The following SLC26A5 variants were observed in gnomAD, a reference collection of about 807,000 sequenced individuals.
SLC26A5 encodes prestin.
SLC26A5 carries 51 observed loss-of-function variants against 81.0 expected under a neutral mutation model. That is an observed-to-expected ratio of 0.63 (90% CI 0.50 to 0.80). SLC26A5 has a LOEUF of 0.80. SLC26A5 is among the 30% of genes least tolerant of loss of function. SLC26A5 has a pLI of 0.00. For missense variants in SLC26A5, 771 were observed against 905.8 expected (o/e 0.85, Z 1.91); for synonymous variants, 325 against 332.8 (o/e 0.98, Z 0.25).
chr7:103,438,579 C>T (rs1270366759), intron 2 of SLC26A5, among the ~76,000 whole-genome samples: 1 of 152,054 alleles, frequency 6.6e-6, no homozygotes, highest in East Asian at 1.9e-4. Context: ...TCTTGAACTC[C>T]TGACTTCAAG....
chr7:103,403,877 T>G (rs1823810575), intron 8 of SLC26A5, among the ~76,000 whole-genome samples: 1 of 152,080 alleles, frequency 6.6e-6, no homozygotes, highest in Non-Finnish European at 1.5e-5. Flanking sequence ...CCTCTTACAT[T>G]TAAGGTTAAT....
At chr7:103,441,930 C>T (rs1435298183) in intron 2 of SLC26A5, among the ~76,000 whole-genome samples, 1 of 152,208 alleles carries the variant, frequency 6.6e-6, no homozygotes, top group African/African-American at 2.4e-5. Flanking sequence ...AGAGGAGGCG[C>T]AATGCTGGGC....
At chr7:103,399,300 T>A (rs1823391493) in intron 8 of SLC26A5, among the ~76,000 whole-genome samples, 1 of 152,110 alleles carries the variant, frequency 6.6e-6, no homozygotes, top group African/African-American at 2.4e-5. Context: ...CTGACTTCTT[T>A]CCCACGCAAA....
At chr7:103,374,753 G>GT (rs1019904303) in intron 19 of SLC26A5, among the ~76,000 whole-genome samples, 161 bp from the exon 20 acceptor site, 1 of 148,898 alleles carries the variant, frequency 6.7e-6, no homozygotes, top group African/African-American at 2.5e-5. Flanking sequence ...AGGCTGGAGA[G>GT]TAGTGGTGTG....
intron 12 of SLC26A5, among the ~76,000 whole-genome samples, 184 bp downstream of exon 12, chr7:103,390,245 G>C (rs1822536830): frequency 6.6e-6 from 1 of 152,172 alleles, no homozygotes; most frequent in South Asian, 2.1e-4. Context: ...GCTTTCCCCA[G>C]GTCCTGCAGG....
At chr7:103,369,468 T>C (rs1820901419), downstream of SLC26A5, 1 of 152,232 alleles carries the variant, frequency 6.6e-6, no homozygotes, top group African/African-American at 2.4e-5. Flanking sequence ...AATTAGATAA[T>C]GTTGAGCACA....
At chr7:103,358,269 TAG>T (rs1466285330) in intron 19 of SLC26A5, among the ~76,000 whole-genome samples, 1 of 152,224 alleles carries the variant, frequency 6.6e-6, no homozygotes, top group Non-Finnish European at 1.5e-5. Flanking sequence ...CTGAAAATTG[TAG>T]AGTCTTCTCT....
At chr7:103,387,898 G>T (rs1015624242) in intron 14 of SLC26A5, among the ~76,000 whole-genome samples, 1 of 152,064 alleles carries the variant, frequency 6.6e-6, no homozygotes, top group African/African-American at 2.4e-5. Context: ...TGGCCAGGCT[G>T]CTCTTGAACT....
chr7:103,423,646 G>A (rs1053890644), intron 2 of SLC26A5, among the ~76,000 whole-genome samples: 1 of 152,160 alleles, frequency 6.6e-6, no homozygotes, highest in African/African-American at 2.4e-5. Context: ...AGGATACAGT[G>A]TTCCTCCTCT....
In SLC26A5 at chr7:103,420,666, T is replaced by A. The variant is rs1246105687; in HGVS notation, c.292+72A>T. The A allele has an allele frequency of 2.5e-6, 4 of 1,572,376 alleles. No individual in the cohort carries two copies. The Admixed American group carries it at 6.8e-5, about 27-fold the overall frequency. ...GATAAAAATTATGAATTTGCAATCATGATGAAATAAACAGAAGGTCAAGCA... is the reference window on the plus strand; with the variant it reads ...GATAAAAATTATGAATTTGCAATCAAGATGAAATAAACAGAAGGTCAAGCA... On this transcript the variant is annotated intron_variant, in intron 4 of 19. Coordinates refer to ENST00000306312, the MANE Select transcript of SLC26A5 (RefSeq NM_198999.3).
chr7:103,398,255 T>C (rs1371108744), intron 8 of SLC26A5, among the ~76,000 whole-genome samples: 1 of 152,248 alleles, frequency 6.6e-6, no homozygotes, highest in Non-Finnish European at 1.5e-5. Context: ...TGTCCTTTTC[T>C]ATACTAAGGC....
At chr7:103,353,793 A>G (rs1363014978) in intron 19 of SLC26A5, 2 of 773,442 alleles carry the variant, frequency 2.6e-6, no homozygotes, top group Non-Finnish European at 4.3e-6. Flanking sequence ...TATCATCATA[A>G]TCTTGCTTGA....
At chr7:103,427,274 C>T (rs1825771401) in intron 2 of SLC26A5, among the ~76,000 whole-genome samples, 1 of 151,890 alleles carries the variant, frequency 6.6e-6, no homozygotes, top group Non-Finnish European at 1.5e-5. Context: ...TTGAGGTTTC[C>T]CCTTGTTGGC....
chr7:103,358,478 G>C (rs1241279397), intron 19 of SLC26A5, among the ~76,000 whole-genome samples: 1 of 151,948 alleles, frequency 6.6e-6, no homozygotes, highest in Admixed American at 6.6e-5. Context: ...CCTCTAATTT[G>C]CTAATCTTTC....
chr7:103,395,851 A>G (rs892531851), intron 9 of SLC26A5, among the ~76,000 whole-genome samples: 4 of 152,082 alleles, frequency 2.6e-5, no homozygotes, highest in Admixed American at 6.6e-5. Flanking sequence ...CAGTTAGATA[A>G]TATAGATGAA....
chr7:103,441,452 A>G (rs186721327), intron 2 of SLC26A5, among the ~76,000 whole-genome samples: 1 of 152,344 alleles, frequency 6.6e-6, no homozygotes, highest in East Asian at 1.9e-4. Context: ...AGAAATAATT[A>G]AGGTAAACAA....
intron 19 of SLC26A5, 93 bp downstream of exon 19, chr7:103,376,715 A>C: frequency 1.1e-6 from 1 of 944,504 alleles, no homozygotes; most frequent in Non-Finnish European, 1.7e-6. Context: ...TTATAAAATA[A>C]TTAAAATTAA....
chr7:103,374,350 A>G lies in SLC26A5; in HGVS notation c.*49T>C. On this transcript the variant is annotated 3_prime_UTR_variant, in exon 20 of 20. Coordinates refer to ENST00000306312, the MANE Select transcript of SLC26A5 (RefSeq NM_198999.3). ...GTCTAGTATTTAAAACGTGTAAATT[A>G]TGAACTTCATGAGAGGCTTATAACC... is the stretch of plus-strand genomic sequence containing the variant. 6.2e-7 allele frequency: 1 copy of G among 1,609,200 alleles called. No individual in the cohort carries two copies. Among genetic ancestry groups the G allele is most frequent in the Admixed American group, 1.7e-5 (1 of 59,520 alleles).
chr7:103,431,458 G>T (rs1826077792), intron 2 of SLC26A5, among the ~76,000 whole-genome samples: 1 of 151,888 alleles, frequency 6.6e-6, no homozygotes. Flanking sequence ...GAGTAACTGG[G>T]ATCACAGGCA....
Sources: allele counts gnomAD v4.1 joint callset (sites outside exome capture counted in the v4.1 genomes callset), GRCh38; gene constraint gnomAD v4.1.1; transcripts MANE v1.5; gene names NCBI Gene and HGNC (gene_info 2026-07-23, HGNC 2026-07-21).